Variants in CNTNAP5 observed in about 807,000 individuals in gnomAD.
The protein encoded by CNTNAP5 is contactin-associated protein-like 5.
A neutral mutation model predicts 150.2 loss-of-function variants in CNTNAP5; 72 were observed. That is an observed-to-expected ratio of 0.48 (90% confidence interval 0.40 to 0.58). The LOEUF is 0.58. CNTNAP5 is among the 20% of genes least tolerant of loss of function. CNTNAP5 has a pLI of 0.00. For missense variants in CNTNAP5, 1,636 were observed against 1,626.2 expected, an observed-to-expected ratio of 1.01 and a Z score of -0.10; for synonymous variants, 672 against 619.8, an observed-to-expected ratio of 1.08 and a Z score of -1.25.
intron 12 of CNTNAP5, among the ~76,000 whole-genome samples, chr2:124,630,718 T>C (rs1193254752): frequency 1.3e-5 from 2 of 152,098 alleles, no homozygotes; most frequent in African/African-American, 4.8e-5. Flanking sequence ...TGTTGGGAGT[T>C]CTGGCCAGGG....
At chr2:124,172,474 C>T (rs953330191) in intron 1 of CNTNAP5, among the ~76,000 whole-genome samples, 2 of 152,176 alleles carry the variant, frequency 1.3e-5, no homozygotes, top group Admixed American at 6.5e-5. Context: ...ATGCATTGGC[C>T]GAGTCTGGGC....
chr2:124,438,132 G>C (rs535198184), intron 5 of CNTNAP5, among the ~76,000 whole-genome samples: 1 of 152,060 alleles, frequency 6.6e-6, no homozygotes, highest in East Asian at 1.9e-4. Context: ...TCTGGCTTGG[G>C]TAGAGACAGT....
At chr2:124,702,228 C>T (rs1325650001) in intron 13 of CNTNAP5, among the ~76,000 whole-genome samples, 3 of 151,470 alleles carry the variant, frequency 2.0e-5, no homozygotes, top group Non-Finnish European at 4.4e-5. Flanking sequence ...TTATATGGAA[C>T]ATCTGTATTT....
chr2:124,824,031 C>T (rs984327155), intron 19 of CNTNAP5, among the ~76,000 whole-genome samples: 7 of 151,576 alleles, frequency 4.6e-5, no homozygotes, highest in Non-Finnish European at 8.8e-5. Flanking sequence ...GATTCTCCTT[C>T]CTCAGCCTCC....
rs72974577 is a variant in CNTNAP5 at position 124,646,835 on chromosome 2, C to T, written c.1877-923C>T. On this transcript the variant is annotated intron_variant, in intron 12 of 23. Transcript: ENST00000682447. ...TCAGAAAAGAGAAGGGGGCTGGGCA[C>T]GCTGGCTCATGCCTGTGGTACCAGC... Among the ~76,000 whole-genome samples, 677 of 152,162 alleles carry T rather than the reference C, an allele frequency of 4.4e-3. 6 individuals are homozygous for T. The highest frequency in any genetic ancestry group is 0.016 in the African/African-American group (649 of 41,506).
chr2:124,244,225 C>T (rs1455755736), intron 3 of CNTNAP5, among the ~76,000 whole-genome samples: 1 of 152,172 alleles, frequency 6.6e-6, no homozygotes, highest in Admixed American at 6.5e-5. Flanking sequence ...TCTTTCACTT[C>T]CTCACCCTTG....
intron 13 of CNTNAP5, among the ~76,000 whole-genome samples, chr2:124,688,154 G>A (rs1352067639): frequency 6.6e-6 from 1 of 151,994 alleles, no homozygotes; most frequent in African/African-American, 2.4e-5. Flanking sequence ...ACTTAACTCT[G>A]TATCAATTGC....
intron 6 of CNTNAP5, among the ~76,000 whole-genome samples, chr2:124,470,394 T>G (rs1051759488): frequency 6.6e-6 from 1 of 152,090 alleles, no homozygotes; most frequent in Non-Finnish European, 1.5e-5. Flanking sequence ...TGTTCATGTC[T>G]TTTGCCCCAC....
At chr2:124,586,208 G>C (rs142286560) in intron 11 of CNTNAP5, among the ~76,000 whole-genome samples, 1 of 152,168 alleles carries the variant, frequency 6.6e-6, no homozygotes. Context: ...CAACGAATGA[G>C]CTGTGCTATC....
intron 3 of CNTNAP5, among the ~76,000 whole-genome samples, chr2:124,404,424 A>T (rs1691515997): frequency 6.6e-6 from 1 of 152,152 alleles, no homozygotes; most frequent in Non-Finnish European, 1.5e-5. Flanking sequence ...GCCAGCTCAG[A>T]CCTGTCCACT....
At chr2:124,785,449 A>C (rs10202575) in intron 17 of CNTNAP5, among the ~76,000 whole-genome samples, 55,248 of 152,194 alleles carry the variant, frequency 0.36, 11,290 homozygotes, top group African/African-American at 0.56. Flanking sequence ...TGAGGAAATG[A>C]TCGGTGGGTA....
At chr2:124,618,135 G>A (rs1352825493) in intron 12 of CNTNAP5, among the ~76,000 whole-genome samples, 1 of 152,154 alleles carries the variant, frequency 6.6e-6, no homozygotes, top group African/African-American at 2.4e-5. Context: ...TTGAAGCTCT[G>A]TAATCTGAAC....
intron 17 of CNTNAP5, among the ~76,000 whole-genome samples, chr2:124,780,056 C>T (rs1432598020): frequency 2.0e-5 from 3 of 152,112 alleles, no homozygotes; most frequent in South Asian, 2.1e-4. Flanking sequence ...CTCCCCGTGC[C>T]GTCCATTCCA....
rs535213124 is a variant in CNTNAP5 at position 124,490,872 on chromosome 2, A to T, written c.1063-13420A>T. Reference sequence around the variant, plus strand: ...ATTAAGTTACTCTGTTTTAAAAAAAATTTTTTTTAAATACTGCTACTAGAA... The same window carrying T: ...ATTAAGTTACTCTGTTTTAAAAAAATTTTTTTTTAAATACTGCTACTAGAA... On this transcript the variant is annotated intron_variant, in intron 7 of 23. Transcript: ENST00000682447. Among the ~76,000 whole-genome samples, 51 of 152,042 alleles carry T rather than the reference A, an allele frequency of 3.4e-4. No individual in the cohort carries two copies. In the South Asian group the frequency reaches 3.7e-3, roughly 11 times the overall value.
chr2:124,474,678 T>G (rs1487251040), intron 6 of CNTNAP5, 61 bp from the exon 7 acceptor site: 5 of 1,425,830 alleles, frequency 3.5e-6, no homozygotes, highest in Non-Finnish European at 4.6e-6. Context: ...CGTGTTTACT[T>G]TCCTTTCCTA....
intron 3 of CNTNAP5, among the ~76,000 whole-genome samples, chr2:124,367,497 G>A (rs772949247): frequency 2.0e-5 from 3 of 152,218 alleles, no homozygotes; most frequent in East Asian, 1.9e-4. Context: ...CTCCCACTGG[G>A]TCCCTCCCAT....
At chr2:124,885,658 T>C (rs1678065682) in intron 21 of CNTNAP5, among the ~76,000 whole-genome samples, 1 of 151,824 alleles carries the variant, frequency 6.6e-6, no homozygotes, top group Non-Finnish European at 1.5e-5. Context: ...ACCACTAAGC[T>C]GCTTTCTGTC....
chr2:124,727,251 A>C (rs1680175383), intron 13 of CNTNAP5, among the ~76,000 whole-genome samples: 1 of 152,054 alleles, frequency 6.6e-6, no homozygotes, highest in African/African-American at 2.4e-5. Context: ...TATATTTGAA[A>C]TAAGGAAGTG....
In CNTNAP5 at chr2:124,429,886, G is replaced by C. The variant is rs552500354; in HGVS notation, c.530-4598G>C. Among the ~76,000 whole-genome samples the C allele has an allele frequency of 7.9e-5, 12 of 152,266 alleles. No individual in the cohort carries two copies. The South Asian group carries it at 2.3e-3, about 29-fold the overall frequency. ...TTGGGCAACATCACACTTGGGCATA[G>C]GCACCTCAATGGATCACAGCTCATT... On this transcript the variant is annotated intron_variant, in intron 4 of 23. Coordinates refer to ENST00000682447, the MANE Select transcript of CNTNAP5 (RefSeq NM_001367498.1).
Sources: gnomAD v4.1 joint callset for allele counts (sites outside exome capture counted in the v4.1 genomes callset) on GRCh38, gnomAD v4.1.1 for gene constraint, MANE v1.5 for transcripts, NCBI Gene and HGNC (gene_info 2026-07-23, HGNC 2026-07-21) for gene names.